The following PGR variants were observed in gnomAD, a reference collection of about 807,000 sequenced individuals.
PGR encodes the protein progesterone receptor.
PGR carries 25 observed loss-of-function variants against 76.1 expected under a neutral mutation model. The observed-to-expected ratio is 0.33, with a 90% CI of 0.24 to 0.46. The LOEUF is 0.46. Among genes scored for constraint, PGR ranks in the 20% least tolerant of loss-of-function variants. The probability of loss-of-function intolerance (pLI) is 1.00; values close to 1 mark genes in which losing one functional copy is unlikely to be tolerated. For synonymous variants in PGR, 579 were observed against 535.0 expected (o/e 1.08, Z -1.14); for missense variants, 1,172 against 1,225.3 (o/e 0.96, Z 0.65).
At chr11:101,119,712 C>G (rs147252858) in intron 2 of PGR, among the ~76,000 whole-genome samples, 47 of 152,278 alleles carry the variant, frequency 3.1e-4, no homozygotes, top group African/African-American at 1.1e-3. Context: ...CAGAGCTGTT[C>G]TGAATAGAAG....
At chr11:101,064,507 G>A (rs1330430515) in intron 3 of PGR, among the ~76,000 whole-genome samples, 1 of 151,984 alleles carries the variant, frequency 6.6e-6, no homozygotes, top group Non-Finnish European at 1.5e-5. Flanking sequence ...AGTCACAAAG[G>A]GAAGGGAAGG....
intron 3 of PGR, among the ~76,000 whole-genome samples, chr11:101,076,788 T>C (rs2135432847): frequency 6.6e-6 from 1 of 151,872 alleles, no homozygotes; most frequent in African/African-American, 2.4e-5. Context: ...TTCTTTAGCA[T>C]GTTTTAATAA....
Position 101,125,535 on chromosome 11 carries a change from T to C in PGR, c.1789+472A>G, listed in dbSNP as rs1862811316. Among the ~76,000 whole-genome samples the C allele has an allele frequency of 2.0e-5, 3 of 152,356 alleles. No homozygotes were observed. In the South Asian group the frequency reaches 6.2e-4, roughly 32 times the overall value. Reference sequence around the variant, plus strand: ...TTCATGTAGTCAAAAGACAGTATCATGTAGAAAACTGCATCATATACATGT... The same window carrying C: ...TTCATGTAGTCAAAAGACAGTATCACGTAGAAAACTGCATCATATACATGT... On this transcript the variant is annotated intron_variant, in intron 2 of 7. Coordinates refer to ENST00000325455, the MANE Select transcript of PGR (RefSeq NM_000926.4).
At position 101,127,637 on chromosome 11, in the gene PGR, CGGCGGCGCGAACGGGCCCTGCTGG is replaced by C. The variant is rs1862901909; in HGVS notation, c.1410_1433del (p.Gln471_Pro478del). Reference sequence around the variant, plus strand: ...CGCTCGCGCCCGGCGCCTTGCAGGGCGGCGGCGCGAACGGGCCCTGCTGGGGCGGCGCGCCCTCCGCTTTGTACA... The same window carrying C: ...CGCTCGCGCCCGGCGCCTTGCAGGGCGGCGGCGCGCCCTCCGCTTTGTACA... On this transcript the variant is annotated inframe_deletion, in exon 1 of 8. Transcript: ENST00000325455. 1.4e-6 allele frequency: 2 copies of C among 1,393,882 alleles called. No homozygotes were observed. Among genetic ancestry groups the C allele is most frequent in the Admixed American group, 3.1e-5 (1 of 31,994 alleles). The allele number at this position is 1,393,882 out of a possible 1,614,324, so 86.3% of individuals were successfully genotyped here.
At chr11:101,118,661 A>G (rs540664025) in intron 2 of PGR, among the ~76,000 whole-genome samples, 1 of 152,342 alleles carries the variant, frequency 6.6e-6, no homozygotes, top group South Asian at 2.1e-4. Flanking sequence ...TGCAGGAGTT[A>G]AAATAAAAAG....
chr11:101,124,618 G>A (rs1392388417), intron 2 of PGR, among the ~76,000 whole-genome samples: 2 of 152,110 alleles, frequency 1.3e-5, no homozygotes, highest in African/African-American at 4.8e-5. Flanking sequence ...AAGAAGAGAG[G>A]AAATCATATT....
Position 101,127,601 on chromosome 11 carries a change from G to C in PGR, c.1470C>G (p.Leu490=). 7.7e-7 allele frequency: 1 copy of C among 1,303,504 alleles called. No individual in the cohort carries two copies. 80.7% of individuals were successfully genotyped at this position (1,303,504 alleles called of 1,614,324 possible). A position where few individuals can be genotyped will look rare whatever the true frequency, so the allele number is the denominator to read the frequency against. Residue 490 remains leucine (L), a synonymous_variant, in exon 1 of 8, where the codon CTC becomes CTG. Coordinates refer to ENST00000325455, the MANE Select transcript of PGR (RefSeq NM_000926.4). ...AGGTGGAGGGCAGGCCGTCCCGCGG[G>C]AGCAGGCAGCCGCTCGCGCCCGGCG... is the stretch of plus-strand genomic sequence containing the variant. ...CKAPGASGCL[L]PRDGLPSTSA...
intron 2 of PGR, among the ~76,000 whole-genome samples, chr11:101,101,200 C>T (rs914559111): frequency 5.3e-5 from 8 of 151,976 alleles, no homozygotes; most frequent in African/African-American, 1.9e-4. Flanking sequence ...AAATTAAAAC[C>T]ACTTGAACAT....
At chr11:101,081,506 C>A (rs1861307495) in intron 3 of PGR, among the ~76,000 whole-genome samples, 1 of 151,668 alleles carries the variant, frequency 6.6e-6, no homozygotes, top group African/African-American at 2.4e-5. Context: ...TTAAAGGCAG[C>A]CAGAGAAAAG....
rs75460905 is a variant in PGR at position 101,064,557 on chromosome 11, G to A, written c.1907-1805C>T. ...ATATAGCATATGCCAGGAATTGTGT[G>A]TGTGTGTGTTTGTGTCTAAGGGAAG... On this transcript the variant is annotated intron_variant, in intron 3 of 7. Coordinates refer to ENST00000325455, the MANE Select transcript of PGR (RefSeq NM_000926.4). Among the ~76,000 whole-genome samples the A allele has an allele frequency of 8.2e-3, 1,247 of 152,114 alleles. 9 individuals carry two copies. The highest frequency in any genetic ancestry group is 0.029 in the African/African-American group (1,213 of 41,486).
At chr11:101,091,524 C>G (rs1861673316) in intron 3 of PGR, among the ~76,000 whole-genome samples, 1 of 152,122 alleles carries the variant, frequency 6.6e-6, no homozygotes, top group South Asian at 2.1e-4. Context: ...TACTTATAGG[C>G]AATATAGATG....
At position 101,035,118 on chromosome 11, in the gene PGR, G is replaced by C. The variant is rs1327246853; in HGVS notation, c.*3998C>G. 4.8e-6 allele frequency: 1 copy of C among 209,082 alleles called. No homozygotes were observed. The highest frequency in any genetic ancestry group is 2.3e-5 in the African/African-American group (1 of 43,942). 13.0% of individuals were successfully genotyped at this position (209,082 alleles called of 1,614,324 possible). A position where few individuals can be genotyped will look rare whatever the true frequency, so the allele number is the denominator to read the frequency against. ...CCCACATCCAATGGCTATTGAACAG[G>C]CATACTTTGGGAAAAACAAACTTAT... On this transcript the variant is annotated 3_prime_UTR_variant, in exon 8 of 8. Coordinates refer to ENST00000325455, the MANE Select transcript of PGR (RefSeq NM_000926.4).
chr11:101,043,324 T>C (rs1229318730), intron 6 of PGR, among the ~76,000 whole-genome samples: 1 of 152,190 alleles, frequency 6.6e-6, no homozygotes, highest in East Asian at 1.9e-4. Context: ...TTTCAAGTTT[T>C]ACCACGAAAC....
intron 1 of PGR, chr11:101,127,209 A>C (rs908666460): frequency 4.3e-5 from 16 of 371,422 alleles, no homozygotes; most frequent in East Asian, 7.9e-5. Flanking sequence ...GGCACGCCCC[A>C]AAAATAGTAT....
At chr11:101,086,621 A>G (rs1436459373) in intron 3 of PGR, among the ~76,000 whole-genome samples, 1 of 152,198 alleles carries the variant, frequency 6.6e-6, no homozygotes, top group Non-Finnish European at 1.5e-5. Context: ...AAGGCATTCA[A>G]ACATGAAAAA....
At chr11:101,096,212 C>T (rs961481471) in intron 2 of PGR, among the ~76,000 whole-genome samples, 2 of 152,072 alleles carry the variant, frequency 1.3e-5, no homozygotes, top group Non-Finnish European at 2.9e-5. Context: ...CATGAAGTCA[C>T]GACCTTGAGG....
At chr11:101,086,473 C>T (rs1426533691) in intron 3 of PGR, among the ~76,000 whole-genome samples, 2 of 152,094 alleles carry the variant, frequency 1.3e-5, no homozygotes, top group East Asian at 3.9e-4. Context: ...GACAAACTCA[C>T]AACCAATATC....
intron 4 of PGR, 49 bp downstream of exon 4, chr11:101,062,394 CAACA>C: frequency 2.3e-6 from 3 of 1,332,768 alleles, no homozygotes; most frequent in East Asian, 2.4e-5. Context: ...TGTACTAATA[CAACA>C]AACATAGTAT....
At chr11:101,120,057 A>G (rs548711) in intron 2 of PGR, among the ~76,000 whole-genome samples, 17,842 of 152,280 alleles carry the variant, frequency 0.12, 1,360 homozygotes, top group Non-Finnish European at 0.16. Flanking sequence ...TAAATGAATA[A>G]GCCTCTTGCA....
Sources: gnomAD v4.1 joint callset for allele counts (sites outside exome capture counted in the v4.1 genomes callset) on GRCh38, gnomAD v4.1.1 for gene constraint, MANE v1.5 for transcripts, NCBI Gene and HGNC (gene_info 2026-07-23, HGNC 2026-07-21) for gene names.